Variants in TBX3 observed in about 807,000 individuals in gnomAD.
TBX3 encodes the protein T-box transcription factor TBX3.
In TBX3, 11 loss-of-function variants were observed where a neutral mutation model predicts 47.8. The ratio of observed to expected loss-of-function variants is 0.23; its 90% CI spans 0.14 to 0.38. TBX3 has a LOEUF of 0.38. Ranked by LOEUF, TBX3 falls within the 10% of genes least tolerant of loss-of-function variation. The probability of loss-of-function intolerance (pLI) is 1.00; values close to 1 mark genes in which losing one functional copy is unlikely to be tolerated. For synonymous variants in TBX3, 500 were observed against 449.3 expected (o/e 1.11, Z -1.43); for missense variants, 927 against 1,022.8 (o/e 0.91, Z 1.28).
chr12:114,674,037 G>A (rs1018438339), intron 6 of TBX3, 128 bp downstream of exon 6: 3 of 1,229,204 alleles, frequency 2.4e-6, no homozygotes, highest in African/African-American at 1.5e-5. Context: ...CCTTGAACCC[G>A]GTAATGGCTC....
intron 6 of TBX3, among the ~76,000 whole-genome samples, chr12:114,672,694 C>G (rs917420682): frequency 6.2e-4 from 94 of 152,060 alleles, no homozygotes; most frequent in African/African-American, 2.1e-3. Context: ...TCTCCTTGCA[C>G]CTGTTAAATG....
chr12:114,673,458 G>C (rs1868546595), intron 6 of TBX3, among the ~76,000 whole-genome samples: 2 of 152,068 alleles, frequency 1.3e-5, no homozygotes. Flanking sequence ...CCTGTCCTCT[G>C]ACATTTCCCA....
chr12:114,672,129 C>T lies in TBX3; in HGVS notation c.1884G>A (p.Pro628=), dbSNP rs764442602. ...TGAGCAGACTGCTGCCGTCCGGGACCGGCACCGGGATGGAGTAGGGGCTGT... is the reference window on the plus strand; with the variant it reads ...TGAGCAGACTGCTGCCGTCCGGGACTGGCACCGGGATGGAGTAGGGGCTGT... The part of the protein sequence containing the change: ...LRYSPYSIPV[P]VPDGSSLLTT... Residue 628 remains proline, a synonymous_variant, in exon 7 of 7, where the codon CCG becomes CCA. Transcript: ENST00000349155. The T allele has an allele frequency of 3.8e-6, 6 of 1,570,844 alleles. No homozygotes were observed. Among genetic ancestry groups the T allele is most frequent in the South Asian group, 2.3e-5 (2 of 85,608 alleles).
intron 3 of TBX3, 55 bp downstream of exon 3, chr12:114,679,450 C>A: frequency 6.2e-7 from 1 of 1,611,918 alleles, no homozygotes; most frequent in East Asian, 2.2e-5. Flanking sequence ...CTTAAAGCAG[C>A]TTTTAAGGGG....
At position 114,674,307 on chromosome 12, in the gene TBX3, A is replaced by T; in HGVS notation, c.1568T>A (p.Leu523Gln). 1 of 1,577,844 alleles carries T rather than the reference A, an allele frequency of 6.3e-7. No homozygotes were observed. Among genetic ancestry groups the T allele is most frequent in the Non-Finnish European group, 8.6e-7 (1 of 1,162,094 alleles). Residue 523 changes from leucine to glutamine, a missense_variant, in exon 6 of 7, where the codon CTG becomes CAG. By Grantham distance (113) the Leu-to-Gln change is moderately radical. Transcript: ENST00000349155. ...GGTGGAGGCCCCAGAAACCGTGGCC[A>T]GGAGGGGACCCATGCCAGCGGCCGC... ...SMAAAGMGPL[L>Q]ATVSGASTGV...
In TBX3 at chr12:114,683,549, C is replaced by G. The variant is rs565348506; in HGVS notation, c.-349G>C. The G allele has an allele frequency of 1.6e-5, 5 of 319,778 alleles. No homozygotes were observed. Among genetic ancestry groups the G allele is most frequent in the Non-Finnish European group, 2.3e-5 (4 of 173,556 alleles). 19.8% of individuals were successfully genotyped at this position (319,778 alleles called of 1,614,324 possible). A position where few individuals can be genotyped will look rare whatever the true frequency, so the allele number is the denominator to read the frequency against. ...AGCGAGCAGGGTCTCGACTCGCGCC[C>G]GAGCCCTGCCGCTGAGCTCGAAATA... On this transcript the variant is annotated 5_prime_UTR_variant, in exon 1 of 7. Transcript: ENST00000349155. This position sits in a 1 kb window ranked among gnomAD's most constrained non-coding sequence, Gnocchi z 7.7.
Position 114,682,847 on chromosome 12 carries a change from C to T in TBX3, c.354G>A (p.Lys118=), listed in dbSNP as rs2121158318. 1.2e-6 allele frequency: 2 copies of T among 1,614,226 alleles called. No individual in the cohort carries two copies. Among genetic ancestry groups the T allele is most frequent in the Non-Finnish European group, 8.5e-7 (1 of 1,180,032 alleles). ...TGGTAATGACCATCTCGGTGCCCCG[C>T]TTGTGAAACTGATCCCAAAGTTCTT... is the stretch of plus-strand genomic sequence containing the variant. ...EAKELWDQFH[K]RGTEMVITKS... The change falls in exon 1 of 7, where the codon AAG becomes AAA. Residue 118 remains lysine, a synonymous_variant. Transcript: ENST00000349155.
intron 5 of TBX3, among the ~76,000 whole-genome samples, chr12:114,675,633 A>AGTGTGTGTGT (rs3068612): frequency 3.7e-4 from 55 of 150,094 alleles, no homozygotes; most frequent in Admixed American, 2.4e-3. Context: ...TCCCGTTGAG[A>AGTGTGTGTGT]GTGTGTGTGT....
intron 5 of TBX3, 131 bp from the exon 6 acceptor site, chr12:114,674,966 A>G: frequency 1.6e-6 from 2 of 1,220,872 alleles, no homozygotes; most frequent in Admixed American, 2.0e-5. Context: ...AAAGCCCCTT[A>G]GCCTCTCTGC....
rs922629782 is a variant in TBX3 at position 114,684,068 on chromosome 12, A to AGG, written c.-870_-869dup. 4 of 140,684 alleles carry AGG rather than the reference A, an allele frequency of 2.8e-5. No individual in the cohort carries two copies. The highest frequency in any genetic ancestry group is 1.2e-4 in the African/African-American group (3 of 25,522). 8.7% of individuals were successfully genotyped at this position (140,684 alleles called of 1,614,324 possible). ...AAATGGAACAGAGGGAAAGAGAGGGAGGGGAGAGAGAGAGAGAGAGAGAGA... is the reference window on the plus strand; with the variant it reads ...AAATGGAACAGAGGGAAAGAGAGGGAGGGGGGAGAGAGAGAGAGAGAGAGAGA... On this transcript the variant is annotated 5_prime_UTR_variant, in exon 1 of 7. Transcript: ENST00000349155.
rs1239370918 is a variant in TBX3, at chr12:114,683,913, C to T, written c.-713G>A. ...TGCTCCGAGCCTCCGGAGGGTGTCT[C>T]GGTTTCAATCCAAATCTTGCTGGGC... On this transcript the variant is annotated 5_prime_UTR_variant, in exon 1 of 7. Coordinates refer to ENST00000349155, the MANE Select transcript of TBX3 (RefSeq NM_005996.4). The surrounding 1 kb of genome is among the most constrained non-coding windows in gnomAD (Gnocchi z 7.7). 8.6e-6 allele frequency: 2 copies of T among 232,150 alleles called. No homozygotes were observed. Among genetic ancestry groups the T allele is most frequent in the Non-Finnish European group, 1.7e-5 (2 of 117,434 alleles). 14.4% of individuals were successfully genotyped at this position (232,150 alleles called of 1,614,324 possible).
intron 1 of TBX3, among the ~76,000 whole-genome samples, chr12:114,682,029 G>A (rs1868951049): frequency 6.6e-6 from 1 of 151,672 alleles, no homozygotes; most frequent in African/African-American, 2.4e-5. Context: ...AGGCTTCAAT[G>A]CTATTACAAA....
chr12:114,680,175 G>A, intron 2 of TBX3: 1 of 611,820 alleles, frequency 1.6e-6, no homozygotes, highest in Non-Finnish European at 2.9e-6. Context: ...GTCTTCCTGG[G>A]CCTAATCTTT....
intron 2 of TBX3, chr12:114,680,428 C>T (rs981755694): frequency 1.8e-5 from 5 of 280,214 alleles, no homozygotes; most frequent in South Asian, 4.3e-5. Context: ...AGTAAAAGAA[C>T]GAGTTTTTAA....
In TBX3 at chr12:114,682,947, G is replaced by T. The variant is rs777208877; in HGVS notation, c.254C>A (p.Ala85Glu). The T allele has an allele frequency of 2.2e-5, 35 of 1,614,074 alleles. 1 individual carries two copies. Among genetic ancestry groups the T allele is most frequent in the South Asian group, 2.0e-4 (18 of 91,072 alleles). The change falls in exon 1 of 7, where the codon GCG becomes GAG. Residue 85 changes from alanine (A) to glutamate (E), a missense_variant. By Grantham distance (107) the Ala-to-Glu change is moderately radical. Coordinates refer to ENST00000349155, the MANE Select transcript of TBX3 (RefSeq NM_005996.4). ...GIPFSSLGPQAHLRPLKTMEP... is the reference protein window; with the variant it reads ...GIPFSSLGPQEHLRPLKTMEP... ...CATGGTCTTCAAAGGCCTCAGATGC[G>T]CCTGGGGCCCCAGGGAGGAGAACGG...
rs1868898424 is a variant in TBX3 at position 114,680,900 on chromosome 12, G to A, written c.636C>T (p.Asn212=). The A allele has an allele frequency of 1.2e-6, 2 of 1,614,036 alleles. No individual in the cohort carries two copies. Among genetic ancestry groups the A allele is most frequent in the African/African-American group, 1.3e-5 (1 of 74,912 alleles). ...VTFHKLKLTN[N]ISDKHGFTIL... ...TTACAAATCCATGTTTGTCTGAAAT[G>A]TTGTTGGTGAGTTTCAGTTTGTGGA... is the stretch of plus-strand genomic sequence containing the variant. Residue 212 remains asparagine (N), a synonymous_variant, in exon 2 of 7, where the codon AAC becomes AAT. Transcript: ENST00000349155.
At chr12:114,678,024 A>T (rs1333430295) in intron 3 of TBX3, among the ~76,000 whole-genome samples, 1 of 137,024 alleles carries the variant, frequency 7.3e-6, no homozygotes, top group Non-Finnish European at 1.5e-5. Context: ...CTCCCTTCAC[A>T]CACACACACA....
At chr12:114,675,485 TC>T (rs962432087) in intron 5 of TBX3, among the ~76,000 whole-genome samples, 1 of 152,240 alleles carries the variant, frequency 6.6e-6, no homozygotes, top group African/African-American at 2.4e-5. Flanking sequence ...GATCATAGAT[TC>T]TTTTTTCGCT....
rs375076522 is a variant in TBX3 at position 114,674,625 on chromosome 12, T to C, written c.1250A>G (p.His417Arg). The change falls in exon 6 of 7, where the codon CAT becomes CGT. Residue 417 changes from histidine (H) to arginine (R), a missense_variant. Physicochemically the swap from His to Arg is conservative, Grantham distance 29. Coordinates refer to ENST00000349155, the MANE Select transcript of TBX3 (RefSeq NM_005996.4). ...RLDKASPDSR[H>R]SPATISSSTR... is the part of the protein sequence containing the mutation. ...GCTGGACGAGATGGTGGCGGGGCTATGGCGTGAGTCGGGCGACGCTTTGTC... is the reference window on the plus strand; with the variant it reads ...GCTGGACGAGATGGTGGCGGGGCTACGGCGTGAGTCGGGCGACGCTTTGTC... 1.4e-4 allele frequency: 230 copies of C among 1,605,650 alleles called. 2 individuals carry two copies. The Middle Eastern group carries it at 2.0e-3, about 14-fold the overall frequency.
Sources: gnomAD v4.1 joint callset for allele counts (sites outside exome capture counted in the v4.1 genomes callset) on GRCh38, gnomAD v4.1.1 for gene constraint, Gnocchi (gnomAD v3.1) non-coding constraint, MANE v1.5 for transcripts, NCBI Gene and HGNC (gene_info 2026-07-23, HGNC 2026-07-21) for gene names.